Variants in MAP2K5 observed in about 807,000 individuals in gnomAD.
MAP2K5 encodes the protein dual specificity mitogen-activated protein kinase kinase 5.
MAP2K5 carries 49 observed loss-of-function variants against 83.1 expected under a neutral mutation model. The observed-to-expected ratio is 0.59, with a 90% CI of 0.47 to 0.75. MAP2K5 has a LOEUF of 0.75. MAP2K5 is among the 30% of genes least tolerant of loss of function. MAP2K5 has a pLI of 0.00. For synonymous variants in MAP2K5, 202 were observed against 191.8 expected (o/e 1.05, Z -0.44); for missense variants, 457 against 557.5 (o/e 0.82, Z 1.82).
At chr15:67,642,542 A>G in intron 9 of MAP2K5, 1 of 1,108,088 alleles carries the variant, frequency 9.0e-7, no homozygotes, top group Non-Finnish European at 1.4e-6. Context: ...TGGGTCTAAA[A>G]GATAGAACAG....
At chr15:67,671,317 A>G (rs898299654) in intron 13 of MAP2K5, among the ~76,000 whole-genome samples, 4 of 152,186 alleles carry the variant, frequency 2.6e-5, no homozygotes, top group Non-Finnish European at 1.5e-5. Context: ...ACTATTAAGC[A>G]TGTACTCTGT....
At chr15:67,557,846 A>C (rs559168870) in intron 2 of MAP2K5, among the ~76,000 whole-genome samples, 150 of 152,342 alleles carry the variant, frequency 9.8e-4, no homozygotes, top group African/African-American at 3.4e-3. Context: ...ATGAAGTTTC[A>C]TTTCCTTAAA....
chr15:67,772,981 C>T (rs2090170174), intron 21 of MAP2K5, among the ~76,000 whole-genome samples: 1 of 152,136 alleles, frequency 6.6e-6, no homozygotes, highest in Non-Finnish European at 1.5e-5. Context: ...TTTCATTTGC[C>T]TCATCAAGGG....
chr15:67,769,775 G>C lies in MAP2K5; in HGVS notation c.1196+112G>C. The C allele has an allele frequency of 1.9e-6, 2 of 1,029,746 alleles. No homozygotes were observed. Among genetic ancestry groups the C allele is most frequent in the Non-Finnish European group, 3.0e-6 (2 of 676,176 alleles). 63.8% of individuals were successfully genotyped at this position (1,029,746 alleles called of 1,614,324 possible). A position where few individuals can be genotyped will look rare whatever the true frequency, so the allele number is the denominator to read the frequency against. ...CCTGCATCCTTTTGGAGACAGGAGG[G>C]ACTTCGGGGCCTTGGGCAGATGGGG... On this transcript the variant is annotated intron_variant, in intron 20 of 21. Coordinates refer to ENST00000178640, the MANE Select transcript of MAP2K5 (RefSeq NM_145160.3). This position sits in a 1 kb window ranked among gnomAD's most constrained non-coding sequence, Gnocchi z 5.2.
rs1015019612 is a variant in MAP2K5 at position 67,605,122 on chromosome 15, G to A, written c.545+4373G>A. Among the ~76,000 whole-genome samples, 3 of 148,820 alleles carry A rather than the reference G, an allele frequency of 2.0e-5. No homozygotes were observed. In the East Asian group the frequency reaches 6.1e-4, roughly 30 times the overall value. On this transcript the variant is annotated intron_variant, in intron 8 of 21. Coordinates refer to ENST00000178640, the MANE Select transcript of MAP2K5 (RefSeq NM_145160.3). Reference sequence around the variant, plus strand: ...GGCTGGAGTGCAGTGGAAAGATCTCGTCTCACTGCAACCTCTGCCTCCCGG... The same window carrying A: ...GGCTGGAGTGCAGTGGAAAGATCTCATCTCACTGCAACCTCTGCCTCCCGG...
intron 8 of MAP2K5, among the ~76,000 whole-genome samples, chr15:67,604,335 G>C (rs2085731302): frequency 6.6e-6 from 1 of 152,236 alleles, no homozygotes; most frequent in African/African-American, 2.4e-5. Flanking sequence ...GATAATGAAT[G>C]TATTTTCCTT....
chr15:67,653,348 C>G (rs1377338940), intron 11 of MAP2K5, among the ~76,000 whole-genome samples: 1 of 151,120 alleles, frequency 6.6e-6, no homozygotes. Flanking sequence ...TACAATGGCA[C>G]AATGTCAGCT....
intron 8 of MAP2K5, among the ~76,000 whole-genome samples, chr15:67,616,600 C>T (rs2086061439): frequency 1.3e-5 from 2 of 152,182 alleles, no homozygotes; most frequent in Admixed American, 1.3e-4. Flanking sequence ...AGAGAGTGAA[C>T]TATCTCTGCA....
chr15:67,736,138 T>C lies in MAP2K5; in HGVS notation c.1074+8193T>C, dbSNP rs1451417711. 6.6e-6 allele frequency among the ~76,000 whole-genome samples: 1 copy of C among 152,150 alleles called. No homozygotes were observed. The highest frequency in any genetic ancestry group is 6.5e-5 in the Admixed American group (1 of 15,280). ...AGTAAGAAAAGGGAGGGGAGCATGG[T>C]AGAGGAGGGAGGTAATGTGTCAGGA... On this transcript the variant is annotated intron_variant, in intron 17 of 21. Transcript: ENST00000178640. This position sits in a 1 kb window ranked among gnomAD's most constrained non-coding sequence, Gnocchi z 4.3.
At chr15:67,721,719 G>T (rs1370220834) in intron 16 of MAP2K5, among the ~76,000 whole-genome samples, 2 of 152,170 alleles carry the variant, frequency 1.3e-5, no homozygotes, top group Admixed American at 6.5e-5. Flanking sequence ...CTTAGAGTTT[G>T]TAGGAAAGAG....
intron 21 of MAP2K5, among the ~76,000 whole-genome samples, chr15:67,773,060 G>C (rs74020421): frequency 0.02 from 3,083 of 152,226 alleles, 115 homozygotes; most frequent in African/African-American, 0.07. Flanking sequence ...CAGAGGATTG[G>C]TAACAGAAGA....
At chr15:67,711,294 CGTAA>C (rs1163843312) in intron 16 of MAP2K5, among the ~76,000 whole-genome samples, 2 of 152,090 alleles carry the variant, frequency 1.3e-5, no homozygotes, top group Non-Finnish European at 2.9e-5. Context: ...TATAAATGCC[CGTAA>C]GTGTTTGGAG....
intron 17 of MAP2K5, among the ~76,000 whole-genome samples, chr15:67,735,996 A>G (rs2089331789): frequency 6.6e-6 from 1 of 152,178 alleles, no homozygotes; most frequent in Non-Finnish European, 1.5e-5. Flanking sequence ...AAGGTCTAAA[A>G]CAGCATATTA....
At chr15:67,595,468 C>A (rs969367464) in intron 7 of MAP2K5, among the ~76,000 whole-genome samples, 1 of 152,024 alleles carries the variant, frequency 6.6e-6, no homozygotes, top group Non-Finnish European at 1.5e-5. Flanking sequence ...TTCTGTCAGA[C>A]CTTTACATAT....
intron 21 of MAP2K5, among the ~76,000 whole-genome samples, chr15:67,800,554 A>G (rs2090686165): frequency 1.3e-5 from 2 of 152,218 alleles, no homozygotes; most frequent in South Asian, 4.1e-4. Context: ...TAACAAAGGA[A>G]TAGCAGAAAT....
chr15:67,705,901 G>A (rs559064940), intron 16 of MAP2K5, among the ~76,000 whole-genome samples: 1 of 152,290 alleles, frequency 6.6e-6, no homozygotes, highest in Non-Finnish European at 1.5e-5. Context: ...AGACCAGTGT[G>A]ACTTGACTGG....
chr15:67,719,810 A>G lies in MAP2K5; in HGVS notation c.1045-8106A>G, dbSNP rs1004151402. 1.3e-5 allele frequency among the ~76,000 whole-genome samples: 2 copies of G among 152,220 alleles called. No homozygotes were observed. The highest frequency in any genetic ancestry group is 6.5e-5 in the Admixed American group (1 of 15,276). Reference sequence around the variant, plus strand: ...CTATGCAAACATTTGAAGAACATTCATTTTTCAATTAGAAAAGTAAAATGG... The same window carrying G: ...CTATGCAAACATTTGAAGAACATTCGTTTTTCAATTAGAAAAGTAAAATGG... On this transcript the variant is annotated intron_variant, in intron 16 of 21. Transcript: ENST00000178640. This position sits in a 1 kb window ranked among gnomAD's most constrained non-coding sequence, Gnocchi z 4.6.
intron 16 of MAP2K5, among the ~76,000 whole-genome samples, chr15:67,725,320 A>G (rs1267991037): frequency 6.6e-6 from 1 of 152,242 alleles, no homozygotes; most frequent in African/African-American, 2.4e-5. Context: ...GCCTCTCTGT[A>G]GAACCATGAC....
intron 10 of MAP2K5, 41 bp from the exon 11 acceptor site, chr15:67,646,347 C>T (rs1394543871): frequency 7.0e-6 from 10 of 1,421,338 alleles, no homozygotes; most frequent in Non-Finnish European, 8.9e-6. Context: ...ATGGTATTGA[C>T]TTGCAGGTTT....
Sources: allele counts gnomAD v4.1 joint callset (sites outside exome capture counted in the v4.1 genomes callset), GRCh38; gene constraint gnomAD v4.1.1; non-coding constraint Gnocchi (gnomAD v3.1); transcripts MANE v1.5; gene names NCBI Gene and HGNC (gene_info 2026-07-23, HGNC 2026-07-21).